MANSC1: variants seen among roughly 807,000 people sequenced by gnomAD.
MANSC1 encodes MANSC domain-containing protein 1.
In MANSC1, 13 loss-of-function variants were observed where a neutral mutation model predicts 14.1. That is an observed-to-expected ratio of 0.92 (90% confidence interval 0.60 to 1.46). MANSC1 has a LOEUF of 1.46. Ranked by LOEUF, MANSC1 falls within the 40% of genes most tolerant of loss-of-function variation. The pLI is 0.00. For missense variants in MANSC1, 486 were observed against 511.4 expected (o/e 0.95, Z 0.48); for synonymous variants, 227 against 200.7 (o/e 1.13, Z -1.11).
rs1404150554 is a variant in MANSC1, at chr12:12,326,556, A to G, written c.*3471T>C. ...CCAGGGGTAATTGAGAAACAGGCAC[A>G]TAACAGTATTCATCCAGGAGTCCTC... On this transcript the variant is annotated 3_prime_UTR_variant, in exon 4 of 4. Coordinates refer to ENST00000535902, the MANE Select transcript of MANSC1 (RefSeq NM_018050.4). The G allele has an allele frequency of 6.6e-6, 1 of 152,012 alleles. No homozygotes were observed. Among genetic ancestry groups the G allele is most frequent in the Non-Finnish European group, 1.5e-5 (1 of 68,036 alleles). The allele number at this position is 152,012 out of a possible 1,614,324, so 9.4% of individuals were successfully genotyped here. A position where few individuals can be genotyped will look rare whatever the true frequency, so the allele number is the denominator to read the frequency against.
rs1862712731 is a variant in MANSC1 at position 12,326,792 on chromosome 12, A to C, written c.*3235T>G. The C allele has an allele frequency of 1.3e-5, 2 of 150,414 alleles. No individual in the cohort carries two copies. Among genetic ancestry groups the C allele is most frequent in the East Asian group, 3.9e-4 (2 of 5,124 alleles). 9.3% of individuals were successfully genotyped at this position (150,414 alleles called of 1,614,324 possible). A position where few individuals can be genotyped will look rare whatever the true frequency, so the allele number is the denominator to read the frequency against. ...GTGAGCCACTATGTGCCTGGCTAAG[A>C]GTAGCTTATTTTTATTTTATTTTAT... On this transcript the variant is annotated 3_prime_UTR_variant, in exon 4 of 4. Transcript: ENST00000535902.
intron 3 of MANSC1, among the ~76,000 whole-genome samples, chr12:12,332,696 T>C (rs1862807820): frequency 6.6e-6 from 1 of 152,072 alleles, no homozygotes; most frequent in Non-Finnish European, 1.5e-5. Context: ...GATTGTTCTA[T>C]TTTTAGTAGA....
At position 12,330,234 on chromosome 12, in the gene MANSC1, A is replaced by G; in HGVS notation, c.1089T>C (p.Ser363=). Residue 363 remains serine, a synonymous_variant, in exon 4 of 4, where the codon AGT becomes AGC. Coordinates refer to ENST00000535902, the MANE Select transcript of MANSC1 (RefSeq NM_018050.4). ...CACTGCCCTGGGAGGAACTGCCTGG[A>G]CTGGCCTCCCTACCTTCCCAGGAAG... ...KTASWEGREA[S]PGSSSQGSVP... 6.2e-7 allele frequency: 1 copy of G among 1,614,148 alleles called. No homozygotes were observed.
In MANSC1 at chr12:12,329,452, C is replaced by T. The variant is rs1862751579; in HGVS notation, c.*575G>A. On this transcript the variant is annotated 3_prime_UTR_variant, in exon 4 of 4. Transcript: ENST00000535902. ...CTAACCTGTTTCTTTGCATAAAAGC[C>T]AGTTGAATTTTGAAATTTATATGGC... is the stretch of plus-strand genomic sequence containing the variant. 1 of 152,242 alleles carries T rather than the reference C, an allele frequency of 6.6e-6. No homozygotes were observed. The highest frequency in any genetic ancestry group is 6.5e-5 in the Admixed American group (1 of 15,288). 9.4% of individuals were successfully genotyped at this position (152,242 alleles called of 1,614,324 possible).
Position 12,327,544 on chromosome 12 carries a change from A to G in MANSC1, c.*2483T>C, listed in dbSNP as rs188532699. On this transcript the variant is annotated 3_prime_UTR_variant, in exon 4 of 4. Transcript: ENST00000535902. ...GTGGACAGAGAACTCCAAGAGAGCC[A>G]GGAAAATACCTTTATAAACCATCAC... 6.6e-6 allele frequency: 1 copy of G among 152,356 alleles called. No individual in the cohort carries two copies. The highest frequency in any genetic ancestry group is 1.5e-5 in the Non-Finnish European group (1 of 68,030). 9.4% of individuals were successfully genotyped at this position (152,356 alleles called of 1,614,324 possible). A position where few individuals can be genotyped will look rare whatever the true frequency, so the allele number is the denominator to read the frequency against.
intron 3 of MANSC1, among the ~76,000 whole-genome samples, chr12:12,334,331 G>T (rs1479980566): frequency 1.3e-5 from 2 of 151,016 alleles, no homozygotes; most frequent in African/African-American, 2.4e-5. Flanking sequence ...AAAAGAAATA[G>T]AGTTCTTCCA....
intron 1 of MANSC1, among the ~76,000 whole-genome samples, chr12:12,346,249 C>T (rs916559833): frequency 7.9e-5 from 12 of 151,470 alleles, no homozygotes; most frequent in East Asian, 3.9e-4. Flanking sequence ...GCAGCCTGGG[C>T]GACAGAGCGA....
At chr12:12,345,630 C>T (rs896165818) in intron 1 of MANSC1, among the ~76,000 whole-genome samples, 1 of 152,188 alleles carries the variant, frequency 6.6e-6, no homozygotes, top group Non-Finnish European at 1.5e-5. Flanking sequence ...AAGAAATTAT[C>T]CTCACCTATC....
chr12:12,342,615 T>C (rs1284939047), intron 2 of MANSC1, among the ~76,000 whole-genome samples: 1 of 131,384 alleles, frequency 7.6e-6, no homozygotes, highest in East Asian at 2.4e-4. Context: ...TTTTGACTTA[T>C]CCTATGCCAC....
chr12:12,337,028 T>C (rs1242231922), intron 3 of MANSC1, among the ~76,000 whole-genome samples: 2 of 152,048 alleles, frequency 1.3e-5, no homozygotes, highest in African/African-American at 4.8e-5. Context: ...CCCAGCACTT[T>C]GGGAGGCTAA....
intron 3 of MANSC1, 21 bp downstream of exon 3, chr12:12,338,399 A>G (rs2135992828): frequency 1.3e-6 from 2 of 1,543,746 alleles, no homozygotes; most frequent in Non-Finnish European, 1.7e-6. Context: ...CACAAAAGAA[A>G]AAGTATAATG....
chr12:12,336,349 G>C (rs1862859134), intron 3 of MANSC1, among the ~76,000 whole-genome samples: 1 of 152,068 alleles, frequency 6.6e-6, no homozygotes, highest in Non-Finnish European at 1.5e-5. Flanking sequence ...CTCACATCTG[G>C]CTCCTCACTA....
chr12:12,331,349 C>G (rs973198419), intron 3 of MANSC1, among the ~76,000 whole-genome samples: 1 of 152,216 alleles, frequency 6.6e-6, no homozygotes, highest in African/African-American at 2.4e-5. Context: ...GGAGGAGGAC[C>G]AGGCAAATTA....
chr12:12,348,069 GAA>G (rs976191390), intron 1 of MANSC1: 2 of 128,478 alleles, frequency 1.6e-5, no homozygotes, highest in Non-Finnish European at 3.4e-5. Flanking sequence ...TCTCAAAAAA[GAA>G]AAAAAAAAAA....
intron 2 of MANSC1, among the ~76,000 whole-genome samples, chr12:12,339,756 T>G (rs1401409551): frequency 6.6e-6 from 1 of 152,156 alleles, no homozygotes; most frequent in African/African-American, 2.4e-5. Flanking sequence ...CTTGTCATAT[T>G]TGCTTTTCTA....
intron 1 of MANSC1, among the ~76,000 whole-genome samples, chr12:12,349,383 T>G (rs927288322): frequency 4.6e-5 from 7 of 152,194 alleles, no homozygotes; most frequent in Non-Finnish European, 1.0e-4. Flanking sequence ...TGTAAGGAGA[T>G]GGGGCAGGAG....
intron 2 of MANSC1, 66 bp from the exon 3 acceptor site, chr12:12,338,626 A>C: frequency 6.7e-7 from 1 of 1,498,236 alleles, no homozygotes; most frequent in South Asian, 1.2e-5. Context: ...GGCAAGTAGG[A>C]AAAACTTCAC....
intron 3 of MANSC1, among the ~76,000 whole-genome samples, chr12:12,335,678 C>T (rs1180249385): frequency 6.7e-6 from 1 of 150,200 alleles, no homozygotes; most frequent in Non-Finnish European, 1.5e-5. Flanking sequence ...ACCATGTCTA[C>T]TAAAAATACA....
chr12:12,345,244 C>T (rs1416368672), intron 1 of MANSC1, among the ~76,000 whole-genome samples: 4 of 146,374 alleles, frequency 2.7e-5, no homozygotes, highest in African/African-American at 7.6e-5. Flanking sequence ...CACTTGAACC[C>T]GGGAAGTGGA....
Sources: gnomAD v4.1 joint callset for allele counts (sites outside exome capture counted in the v4.1 genomes callset) on GRCh38, gnomAD v4.1.1 for gene constraint, MANE v1.5 for transcripts, NCBI Gene and HGNC (gene_info 2026-07-23, HGNC 2026-07-21) for gene names.